TRAPPC9: variants seen among roughly 807,000 people sequenced by gnomAD.
TRAPPC9 encodes trafficking protein particle complex subunit 9, also known as IKK2 binding protein.
Under a neutral mutation model 124.0 loss-of-function variants are expected in TRAPPC9, and 83 were observed. That is an observed-to-expected ratio of 0.67 (90% CI 0.56 to 0.80). The LOEUF is 0.80. Ranked by LOEUF, TRAPPC9 falls within the 30% of genes least tolerant of loss-of-function variation. The pLI is 0.00. For synonymous variants in TRAPPC9, 638 were observed against 617.5 expected, an observed-to-expected ratio of 1.03 and a Z score of -0.49; for missense variants, 1,302 against 1,508.3, an observed-to-expected ratio of 0.86 and a Z score of 2.27.
At chr8:139,840,793 G>T (rs1438255079) in intron 21 of TRAPPC9, among the ~76,000 whole-genome samples, 1 of 152,132 alleles carries the variant, frequency 6.6e-6, no homozygotes, top group African/African-American at 2.4e-5. Context: ...GCCCAGGGTC[G>T]CTCACCAAGG....
chr8:140,311,279 G>T lies in TRAPPC9; in HGVS notation c.1591C>A (p.Pro531Thr). The T allele has an allele frequency of 1.2e-6, 2 of 1,613,116 alleles. No homozygotes were observed. Among genetic ancestry groups the T allele is most frequent in the African/African-American group, 1.3e-5 (1 of 75,080 alleles). ...IALPGGLTLPPVPFTKLPIVR... is the reference protein window; with the variant it reads ...IALPGGLTLPTVPFTKLPIVR... ...ATGGGAAGCTTGGTGAAGGGCACCG[G>T]TGGCAGGGTGAGGCCGCCAGGGAGG... Residue 531 changes from proline (P) to threonine (T), a missense_variant, in exon 10 of 23, where the codon CCG becomes ACG. Coordinates refer to ENST00000438773, the MANE Select transcript of TRAPPC9 (RefSeq NM_001160372.4).
chr8:139,862,116 C>A (rs1320519819), intron 21 of TRAPPC9, among the ~76,000 whole-genome samples: 1 of 152,232 alleles, frequency 6.6e-6, no homozygotes, highest in African/African-American at 2.4e-5. Context: ...GTCCATTTTA[C>A]AGATTCAGAA....
At chr8:139,755,901 GTGT>G (rs1819724164) in intron 21 of TRAPPC9, among the ~76,000 whole-genome samples, 2 of 139,870 alleles carry the variant, frequency 1.4e-5, no homozygotes, top group Non-Finnish European at 3.1e-5. Context: ...GATGAGGACA[GTGT>G]GTCGCAGGAG....
At chr8:139,762,852 C>T (rs372019018) in intron 21 of TRAPPC9, among the ~76,000 whole-genome samples, 9 of 152,186 alleles carry the variant, frequency 5.9e-5, no homozygotes, top group African/African-American at 1.7e-4. Context: ...TTGCCCACCA[C>T]GCACCCAGAA....
At chr8:140,388,808 A>G (rs2068833197) in intron 7 of TRAPPC9, among the ~76,000 whole-genome samples, 1 of 146,330 alleles carries the variant, frequency 6.8e-6, no homozygotes, top group Non-Finnish European at 1.5e-5. Context: ...AGATGGCGCC[A>G]TTGCACACTC....
intron 5 of TRAPPC9, among the ~76,000 whole-genome samples, chr8:140,421,603 G>A (rs974971044): frequency 1.3e-5 from 2 of 152,056 alleles, no homozygotes; most frequent in East Asian, 1.9e-4. Flanking sequence ...ACTGAAGACC[G>A]CCATACTCTA....
At chr8:140,349,220 GAA>G (rs2067452639) in intron 9 of TRAPPC9, among the ~76,000 whole-genome samples, 1 of 87,906 alleles carries the variant, frequency 1.1e-5, no homozygotes. Context: ...GAAGGGCACA[GAA>G]GGGGGCCGAA....
chr8:140,170,145 G>A (rs1386608897), intron 17 of TRAPPC9, among the ~76,000 whole-genome samples: 1 of 152,138 alleles, frequency 6.6e-6, no homozygotes, highest in Non-Finnish European at 1.5e-5. Context: ...GCCCTATCAG[G>A]ATGCTCATAA....
chr8:140,057,398 GCAGTATT>G (rs540351412), intron 17 of TRAPPC9, among the ~76,000 whole-genome samples: 2 of 152,334 alleles, frequency 1.3e-5, no homozygotes, highest in South Asian at 4.1e-4. Flanking sequence ...CACATTTACT[GCAGTATT>G]ATTCACAATA....
At position 139,894,263 on chromosome 8, in the gene TRAPPC9, C is replaced by T. The variant is rs529807912; in HGVS notation, c.2965-8294G>A. On this transcript the variant is annotated intron_variant, in intron 20 of 22. Transcript: ENST00000438773. ...GTCCCGGCACCAACAAGACCCTCAC[C>T]GAGCAGTGTGCAAAGCTGTTTCCCT... is the stretch of plus-strand genomic sequence containing the variant. Among the ~76,000 whole-genome samples, 9 of 152,348 alleles carry T rather than the reference C, an allele frequency of 5.9e-5. No individual in the cohort carries two copies. In the South Asian group the frequency reaches 1.0e-3, roughly 18 times the overall value.
rs1253345744 is a variant in TRAPPC9, at chr8:140,097,993, A to G, written c.2557-73914T>C. ...CGCAGTCCGCACAGTAAAGACGCTC[A>G]CCAGGTCCTCCGCAGCCAACCGCAG... On this transcript the variant is annotated intron_variant, in intron 17 of 22. Coordinates refer to ENST00000438773, the MANE Select transcript of TRAPPC9 (RefSeq NM_001160372.4). This position sits in a 1 kb window ranked among gnomAD's most constrained non-coding sequence, Gnocchi z 4.2. 1 of 152,338 alleles carries G rather than the reference A, an allele frequency of 6.6e-6. No homozygotes were observed. The highest frequency in any genetic ancestry group is 1.5e-5 in the Non-Finnish European group (1 of 68,184). The allele number at this position is 152,338 out of a possible 1,614,324, so 9.4% of individuals were successfully genotyped here.
chr8:140,424,869 T>A (rs1045278817), intron 5 of TRAPPC9, among the ~76,000 whole-genome samples: 1 of 152,080 alleles, frequency 6.6e-6, no homozygotes, highest in Non-Finnish European at 1.5e-5. Flanking sequence ...AGGAAAAAAA[T>A]TTGGAAACAG....
intron 19 of TRAPPC9, among the ~76,000 whole-genome samples, chr8:139,956,126 C>T (rs148184062): frequency 9.9e-5 from 15 of 152,136 alleles, no homozygotes; most frequent in East Asian, 7.7e-4. Flanking sequence ...CTTGTTCTTT[C>T]GTGCATTTCA....
chr8:139,901,279 C>T (rs555502994), intron 20 of TRAPPC9, among the ~76,000 whole-genome samples: 68 of 152,236 alleles, frequency 4.5e-4, no homozygotes, highest in African/African-American at 1.5e-3. Context: ...CAGCTTAGCC[C>T]CACTTCAGAT....
intron 18 of TRAPPC9, among the ~76,000 whole-genome samples, chr8:140,006,192 C>T (rs1419683429): frequency 6.6e-6 from 1 of 152,142 alleles, no homozygotes; most frequent in African/African-American, 2.4e-5. Flanking sequence ...TGAAAAGCAA[C>T]CCAGTCTTTG....
At chr8:139,873,462 T>TA (rs1829130245) in intron 21 of TRAPPC9, among the ~76,000 whole-genome samples, 1 of 151,998 alleles carries the variant, frequency 6.6e-6, no homozygotes, top group Non-Finnish European at 1.5e-5. Context: ...AGGCTGTGAG[T>TA]GAGTGCCGGG....
Position 139,902,351 on chromosome 8 carries a change from G to A in TRAPPC9, c.2964+7796C>T, listed in dbSNP as rs770079827. 2.2e-4 allele frequency among the ~76,000 whole-genome samples: 33 copies of A among 152,200 alleles called. 1 individual carries two copies. The highest frequency in any genetic ancestry group is 7.2e-4 in the Admixed American group (11 of 15,276). ...CTCCCACCTTACCCTCCAGCCCACC[G>A]AAGGCCAAACAGCCAGGGTGATGTG... On this transcript the variant is annotated intron_variant, in intron 20 of 22. Transcript: ENST00000438773.
At chr8:140,014,288 G>A (rs1053766237) in intron 18 of TRAPPC9, among the ~76,000 whole-genome samples, 1 of 152,168 alleles carries the variant, frequency 6.6e-6, no homozygotes, top group African/African-American at 2.4e-5. Flanking sequence ...TCGGCACTCA[G>A]ACAGGGATGG....
At chr8:139,842,708 C>G (rs1826813855) in intron 21 of TRAPPC9, among the ~76,000 whole-genome samples, 1 of 152,172 alleles carries the variant, frequency 6.6e-6, no homozygotes, top group Admixed American at 6.5e-5. Flanking sequence ...AGTGTCCCTC[C>G]ACCGCCCTGT....
Sources: gnomAD v4.1 joint callset for allele counts (sites outside exome capture counted in the v4.1 genomes callset) on GRCh38, gnomAD v4.1.1 for gene constraint, Gnocchi (gnomAD v3.1) non-coding constraint, MANE v1.5 for transcripts, NCBI Gene and HGNC (gene_info 2026-07-23, HGNC 2026-07-21) for gene names.